The following PSMA6 variants were observed in gnomAD, a reference collection of about 807,000 sequenced individuals.
PSMA6 encodes proteasome 20S subunit alpha 6, also known as proteasome subunit alpha type-6.
For synonymous variants in PSMA6, 88 were observed against 97.7 expected, an observed-to-expected ratio of 0.90 and a Z score of 0.59; for missense variants, 170 against 294.8, an observed-to-expected ratio of 0.58 and a Z score of 3.10.
chr14:35,287,575 C>A (rs2138706581), upstream of PSMA6, among the ~76,000 whole-genome samples: 2 of 152,298 alleles, frequency 1.3e-5, no homozygotes, highest in South Asian at 4.1e-4. Context: ...TTGTGGGTAA[C>A]CCTTACCTTC....
intron 1 of PSMA6, 59 bp from the exon 2 acceptor site, chr14:35,307,935 T>G: frequency 2.0e-6 from 3 of 1,503,042 alleles, no homozygotes; most frequent in Non-Finnish European, 2.8e-6. Flanking sequence ...GACTATTATT[T>G]CATTGCAAGA....
chr14:35,310,962 A>G, intron 4 of PSMA6, 67 bp downstream of exon 4: 1 of 1,449,830 alleles, frequency 6.9e-7, no homozygotes. Context: ...ATGTATACAG[A>G]ATTATTTAAA....
At chr14:35,308,136 T>C (rs1431550015) in intron 2 of PSMA6, 48 bp downstream of exon 2, 10 of 1,601,864 alleles carry the variant, frequency 6.2e-6, no homozygotes, top group Non-Finnish European at 7.7e-6. Context: ...TATAAGAATT[T>C]TTCAGCCAAG....
At chr14:35,292,213 A>T, upstream of PSMA6, 1 of 946,978 alleles carries the variant, frequency 1.1e-6, no homozygotes, top group Non-Finnish European at 1.4e-6. Flanking sequence ...CCCAAGTTTC[A>T]CGTCTATCCA....
chr14:35,291,962 C>CTGCAGA (rs1160521999), upstream of PSMA6, among the ~76,000 whole-genome samples: 4 of 152,138 alleles, frequency 2.6e-5, no homozygotes, highest in African/African-American at 9.7e-5. Flanking sequence ...AATTTAACGG[C>CTGCAGA]TGCAGCTGCA....
intron 1 of PSMA6, among the ~76,000 whole-genome samples, chr14:35,281,162 G>C (rs1327977927): frequency 1.3e-5 from 2 of 152,146 alleles, no homozygotes; most frequent in African/African-American, 2.4e-5. Context: ...GGCTTCAATA[G>C]CAGTGCAAAT....
At chr14:35,295,244 C>G (rs1436562560) in intron 1 of PSMA6, among the ~76,000 whole-genome samples, 1 of 150,828 alleles carries the variant, frequency 6.6e-6, no homozygotes, top group Non-Finnish European at 1.5e-5. Context: ...AGCTGAGGCA[C>G]AAGAATCGCT....
At chr14:35,307,156 A>G (rs1016981565) in intron 1 of PSMA6, among the ~76,000 whole-genome samples, 2 of 152,322 alleles carry the variant, frequency 1.3e-5, no homozygotes, top group Middle Eastern at 3.4e-3. Context: ...TCAAAAAAGA[A>G]AAGAGTCATA....
intron 1 of PSMA6, among the ~76,000 whole-genome samples, chr14:35,295,640 T>TG (rs775798066): frequency 1.3e-5 from 2 of 151,934 alleles, no homozygotes; most frequent in African/African-American, 2.4e-5. Flanking sequence ...TTAATAGAGA[T>TG]GGGGTTTCAC....
Position 35,312,897 on chromosome 14 carries a change from T to C in PSMA6, c.426T>C (p.Gly142=). ...TCTTTTTAGGTATGATTTTAATTGG[T>C]ATAGATGAAGAGCAAGGCCCTCAGG... ...RPLGCCMILI[G]IDEEQGPQVY... The change falls in exon 5 of 7, where the codon GGT becomes GGC. Residue 142 remains glycine, a synonymous_variant. Coordinates refer to ENST00000261479, the MANE Select transcript of PSMA6 (RefSeq NM_002791.3). 1 of 1,589,554 alleles carries C rather than the reference T, an allele frequency of 6.3e-7. No individual in the cohort carries two copies. Among genetic ancestry groups the C allele is most frequent in the Non-Finnish European group, 8.5e-7 (1 of 1,171,612 alleles).
chr14:35,284,288 A>G (rs982012190), intron 1 of PSMA6, among the ~76,000 whole-genome samples: 1 of 151,914 alleles, frequency 6.6e-6, no homozygotes. Context: ...GGTGCCTCCC[A>G]TATTGCTCCT....
rs781527925 is a variant in PSMA6, at chr14:35,310,744, C to T, written c.258C>T (p.Asp86=). 6 of 1,611,952 alleles carry T rather than the reference C, an allele frequency of 3.7e-6. No individual in the cohort carries two copies. Among genetic ancestry groups the T allele is most frequent in the South Asian group, 1.1e-5 (1 of 90,982 alleles). ...CTTTGTTTTTTATGCTATAAGCTGA[C>T]AGCAGATCCCAGGTACAGAGGGCAC... is the stretch of plus-strand genomic sequence containing the variant. ...IGCVMTGMTA[D]SRSQVQRARY... Residue 86 remains aspartate (D), a synonymous_variant, in exon 4 of 7, where the codon GAC becomes GAT. Coordinates refer to ENST00000261479, the MANE Select transcript of PSMA6 (RefSeq NM_002791.3).
At chr14:35,284,969 C>T (rs1424630523) in intron 1 of PSMA6, among the ~76,000 whole-genome samples, 2 of 152,082 alleles carry the variant, frequency 1.3e-5, no homozygotes, top group East Asian at 3.9e-4. Context: ...TTGGAACTTG[C>T]CTTTGTTTCA....
intron 1 of PSMA6, among the ~76,000 whole-genome samples, chr14:35,281,896 A>G (rs1456564734): frequency 6.6e-6 from 1 of 152,158 alleles, no homozygotes; most frequent in Admixed American, 6.5e-5. Context: ...GCCCTAGGTT[A>G]CTTTTTCTAC....
intron 5 of PSMA6, chr14:35,314,097 T>A (rs1202598118): frequency 1.5e-5 from 3 of 200,316 alleles, no homozygotes; most frequent in Non-Finnish European, 3.0e-5. Flanking sequence ...TGAAGTGTAG[T>A]GCCTGGGTCA....
intron 1 of PSMA6, among the ~76,000 whole-genome samples, chr14:35,298,210 C>T (rs1173105245): frequency 6.6e-6 from 1 of 152,040 alleles, no homozygotes. Flanking sequence ...GAAAATGGGG[C>T]CGGACACAGT....
intron 6 of PSMA6, chr14:35,315,991 C>T (rs559932657): frequency 1.3e-5 from 2 of 152,238 alleles, no homozygotes; most frequent in South Asian, 4.1e-4. Context: ...TAAAAAATGT[C>T]CTTTTGACAA....
chr14:35,304,799 T>A (rs1266149087), intron 1 of PSMA6, among the ~76,000 whole-genome samples: 1 of 151,866 alleles, frequency 6.6e-6, no homozygotes, highest in Non-Finnish European at 1.5e-5. Context: ...ACCAATTAAA[T>A]TGGGGGTTAT....
At position 35,306,764 on chromosome 14, in the gene PSMA6, TG is replaced by T. The variant is rs534736337; in HGVS notation, c.77-1229del. Among the ~76,000 whole-genome samples the T allele has an allele frequency of 1.5e-4, 23 of 152,316 alleles. No homozygotes were observed. In the East Asian group the frequency reaches 4.4e-3, roughly 29 times the overall value. On this transcript the variant is annotated intron_variant, in intron 1 of 6. Coordinates refer to ENST00000261479, the MANE Select transcript of PSMA6 (RefSeq NM_002791.3). Reference sequence around the variant, plus strand: ...CTACATGGTGCCAAAGCAGTTTTTTTGTAAGCTACTATTTTGATCCTAGTGT... The same window carrying T: ...CTACATGGTGCCAAAGCAGTTTTTTTTAAGCTACTATTTTGATCCTAGTGT...
Sources: allele counts gnomAD v4.1 joint callset (sites outside exome capture counted in the v4.1 genomes callset), GRCh38; gene constraint gnomAD v4.1.1; transcripts MANE v1.5; gene names NCBI Gene and HGNC (gene_info 2026-07-23, HGNC 2026-07-21).